The following FAM91A1 variants were observed in gnomAD, a reference collection of about 807,000 sequenced individuals.
FAM91A1 encodes protein FAM91A1.
Under a neutral mutation model 113.5 loss-of-function variants are expected in FAM91A1, and 41 were observed. The observed-to-expected ratio is 0.36, with a 90% CI of 0.28 to 0.47. The LOEUF is 0.47. FAM91A1 is among the 20% of genes least tolerant of loss of function. The probability of loss-of-function intolerance (pLI) is 1.00; values close to 1 mark genes in which losing one functional copy is unlikely to be tolerated. For missense variants in FAM91A1, 696 were observed against 1,001.2 expected, an observed-to-expected ratio of 0.70 and a Z score of 4.11; for synonymous variants, 307 against 347.9, an observed-to-expected ratio of 0.88 and a Z score of 1.31.
intron 19 of FAM91A1, 57 bp downstream of exon 19, chr8:123,805,396 A>T: frequency 7.5e-7 from 1 of 1,341,476 alleles, no homozygotes; most frequent in Admixed American, 2.1e-5. Context: ...TACTCATGTC[A>T]ACAGTTTGGT....
At chr8:123,800,013 A>G in intron 18 of FAM91A1, 128 bp downstream of exon 18, 1 of 822,178 alleles carries the variant, frequency 1.2e-6, no homozygotes, top group Non-Finnish European at 1.8e-6. Context: ...AAAAAATCAG[A>G]GATATGGATT....
At chr8:123,805,975 A>G in intron 19 of FAM91A1, 105 bp from the exon 20 acceptor site, 1 of 1,105,572 alleles carries the variant, frequency 9.0e-7, no homozygotes, top group Non-Finnish European at 1.2e-6. Context: ...ATGATGTATT[A>G]AAGTATAAAA....
chr8:123,805,193 C>A, intron 18 of FAM91A1, 74 bp from the exon 19 acceptor site: 1 of 1,180,454 alleles, frequency 8.5e-7, no homozygotes, highest in Non-Finnish European at 1.2e-6. Flanking sequence ...ATGACACAAT[C>A]TTATTTACTT....
At chr8:123,806,024 G>A in intron 19 of FAM91A1, 56 bp from the exon 20 acceptor site, 1 of 1,441,212 alleles carries the variant, frequency 6.9e-7, no homozygotes, top group Non-Finnish European at 9.2e-7. Flanking sequence ...TGTTTAAGCT[G>A]TTGGCGTTGT....
In FAM91A1 at chr8:123,775,048, C is replaced by T. The variant is rs1054080551; in HGVS notation, c.158-99C>T. Reference sequence around the variant, plus strand: ...TATTTGTTCTCTTGTAATTTACATACTTTTCTTTTAAATTACTGTTGGTTT... The same window carrying T: ...TATTTGTTCTCTTGTAATTTACATATTTTTCTTTTAAATTACTGTTGGTTT... On this transcript the variant is annotated intron_variant, in intron 2 of 23. Coordinates refer to ENST00000334705, the MANE Select transcript of FAM91A1 (RefSeq NM_144963.4). The T allele has an allele frequency of 1.4e-5, 16 of 1,139,646 alleles. No individual in the cohort carries two copies. In the African/African-American group the frequency reaches 2.2e-4, roughly 16 times the overall value. 70.6% of individuals were successfully genotyped at this position (1,139,646 alleles called of 1,614,324 possible). A position where few individuals can be genotyped will look rare whatever the true frequency, so the allele number is the denominator to read the frequency against.
In FAM91A1 at chr8:123,784,533, AT is replaced by A; in HGVS notation, c.768del (p.Tyr256Ter). 1.9e-6 allele frequency: 3 copies of A among 1,608,052 alleles called. No individual in the cohort carries two copies. The highest frequency in any genetic ancestry group is 2.5e-6 in the Non-Finnish European group (3 of 1,177,928). ...GGTGATTATTTTGAAACTCTACTCT[AT>A]AAGATATTTGTTTCAATAGATGAGC... is the stretch of plus-strand genomic sequence containing the variant. Reference protein sequence around the residue: ...VQGDYFETLLYKIFVSIDEHT... With the variant: ...VQGDYFETLLXKIFVSIDEHT... On this transcript the variant is annotated frameshift_variant, in exon 9 of 24. Coordinates refer to ENST00000334705, the MANE Select transcript of FAM91A1 (RefSeq NM_144963.4). LOFTEE classifies it high-confidence loss of function.
In FAM91A1 at chr8:123,786,363, C is replaced by G. The variant is rs571871819; in HGVS notation, c.963-132C>G. On this transcript the variant is annotated intron_variant, in intron 11 of 23. Coordinates refer to ENST00000334705, the MANE Select transcript of FAM91A1 (RefSeq NM_144963.4). ...TAGGCAGAGCATTTTTGGGCTGCGA[C>G]TTAATTTTGGGCTTGAATATAAGAC... is the stretch of plus-strand genomic sequence containing the variant. 1.4e-4 allele frequency: 93 copies of G among 670,458 alleles called. No homozygotes were observed. In the African/African-American group the frequency reaches 1.6e-3, roughly 11 times the overall value. The allele number at this position is 670,458 out of a possible 1,614,324, so 41.5% of individuals were successfully genotyped here.
chr8:123,768,794 C>G lies in FAM91A1; in HGVS notation c.72+20C>G. 1 of 1,608,330 alleles carries G rather than the reference C, an allele frequency of 6.2e-7. No homozygotes were observed. The highest frequency in any genetic ancestry group is 8.5e-7 in the Non-Finnish European group (1 of 1,177,488). On this transcript the variant is annotated intron_variant, in intron 1 of 23. Coordinates refer to ENST00000334705, the MANE Select transcript of FAM91A1 (RefSeq NM_144963.4). The stretch of plus-strand genomic sequence containing the variant: ...AGACAGGTACGGCCGGAACCTGGGA[C>G]CGGGCCCCTGACGGATTCGGCCCGC...
At chr8:123,789,797 TAAGAA>T in intron 15 of FAM91A1, 52 bp downstream of exon 15, 1 of 1,583,184 alleles carries the variant, frequency 6.3e-7, no homozygotes, top group African/African-American at 1.4e-5. Context: ...AACTTTTTTC[TAAGAA>T]ATTAAACAGA....
At chr8:123,811,594 A>C (rs1815956642) in intron 23 of FAM91A1, 1 of 151,580 alleles carries the variant, frequency 6.6e-6, no homozygotes, top group African/African-American at 2.4e-5. Flanking sequence ...GAGGGAAGGG[A>C]GGGGAGGGAT....
intron 15 of FAM91A1, among the ~76,000 whole-genome samples, chr8:123,791,213 G>C (rs555470067): frequency 6.6e-6 from 1 of 151,874 alleles, no homozygotes; most frequent in Non-Finnish European, 1.5e-5. Context: ...TAAATCTTCT[G>C]CTTGTTTTTT....
intron 8 of FAM91A1, among the ~76,000 whole-genome samples, chr8:123,784,008 CAG>C (rs1401657689): frequency 6.6e-6 from 1 of 152,186 alleles, no homozygotes; most frequent in Admixed American, 6.5e-5. Context: ...GATGGGGAGA[CAG>C]AGCCAATACT....
At chr8:123,785,245 C>G (rs961601631) in intron 10 of FAM91A1, 126 bp downstream of exon 10, 17 of 821,514 alleles carry the variant, frequency 2.1e-5, no homozygotes, top group Non-Finnish European at 2.7e-5. Context: ...TCTGAGAGAA[C>G]GTGCACAGTA....
chr8:123,768,873 T>A, intron 1 of FAM91A1, 99 bp downstream of exon 1: 2 of 1,228,254 alleles, frequency 1.6e-6, no homozygotes, highest in South Asian at 1.3e-5. Flanking sequence ...TGCTGCCGGC[T>A]GACTCCCTTC....
At chr8:123,801,721 A>G (rs530008355) in intron 18 of FAM91A1, among the ~76,000 whole-genome samples, 2 of 152,286 alleles carry the variant, frequency 1.3e-5, no homozygotes, top group Non-Finnish European at 2.9e-5. Context: ...AGAGAAAGTG[A>G]GACCCAGGCT....
chr8:123,779,932 G>T, intron 6 of FAM91A1, 53 bp from the exon 7 acceptor site: 2 of 1,464,036 alleles, frequency 1.4e-6, no homozygotes, highest in East Asian at 2.3e-5. Context: ...CAGGAGACTT[G>T]TGAATTAGTT....
chr8:123,811,590 A>G (rs972326405), intron 23 of FAM91A1: 38 of 151,652 alleles, frequency 2.5e-4, no homozygotes, highest in Admixed American at 2.4e-3. Context: ...TGTGGAGGGA[A>G]GGGAGGGGAG....
chr8:123,775,133 C>A lies in FAM91A1; in HGVS notation c.158-14C>A. 6.5e-7 allele frequency: 1 copy of A among 1,549,362 alleles called. No homozygotes were observed. The highest frequency in any genetic ancestry group is 8.7e-7 in the Non-Finnish European group (1 of 1,146,628). On this transcript the variant is annotated splice_polypyrimidine_tract_variant and intron_variant, in intron 2 of 23. Transcript: ENST00000334705. ...AACCTGAAAAAAACTGGAGAATTTCCCTCTTTTGTGCAGTTAAACATGTCA... is the reference window on the plus strand; with the variant it reads ...AACCTGAAAAAAACTGGAGAATTTCACTCTTTTGTGCAGTTAAACATGTCA...
intron 15 of FAM91A1, among the ~76,000 whole-genome samples, chr8:123,797,051 CTCTG>C (rs759096682): frequency 2.6e-5 from 4 of 151,674 alleles, no homozygotes; most frequent in Non-Finnish European, 5.9e-5. Context: ...CAGAGTGAGA[CTCTG>C]TCTCAAAAAA....
Sources: gnomAD v4.1 joint callset for allele counts (sites outside exome capture counted in the v4.1 genomes callset) on GRCh38, gnomAD v4.1.1 for gene constraint, MANE v1.5 for transcripts, NCBI Gene and HGNC (gene_info 2026-07-23, HGNC 2026-07-21) for gene names.